TXNDC9: variants seen among roughly 807,000 people sequenced by gnomAD.
TXNDC9 encodes the protein thioredoxin domain-containing protein 9.
TXNDC9 carries 7 observed loss-of-function variants against 23.0 expected under a neutral mutation model. The observed-to-expected ratio is 0.30, with a 90% CI of 0.17 to 0.57. The LOEUF (loss-of-function observed/expected upper bound fraction) is 0.57. Among genes scored for constraint, TXNDC9 ranks in the 20% least tolerant of loss-of-function variants. The probability of loss-of-function intolerance (pLI) is 0.90; values close to 1 mark genes in which losing one functional copy is unlikely to be tolerated. For synonymous variants in TXNDC9, 72 were observed against 90.6 expected, an observed-to-expected ratio of 0.79 and a Z score of 1.17; for missense variants, 198 against 252.6, an observed-to-expected ratio of 0.78 and a Z score of 1.47.
At chr2:99,317,283 G>T (rs2094191457), downstream of TXNDC9, among the ~76,000 whole-genome samples, 1 of 152,102 alleles carries the variant, frequency 6.6e-6, no homozygotes, top group African/African-American at 2.4e-5. Context: ...ATGTCTTGTA[G>T]TTTGTTGTTG....
intron 4 of TXNDC9, among the ~76,000 whole-genome samples, chr2:99,320,754 T>C (rs1346779363): frequency 6.6e-6 from 1 of 152,228 alleles, no homozygotes; most frequent in Non-Finnish European, 1.5e-5. Flanking sequence ...AAAGGGACAC[T>C]GTATTCACAA....
chr2:99,314,029 A>T (rs1206181083), downstream of TXNDC9, among the ~76,000 whole-genome samples: 1 of 152,198 alleles, frequency 6.6e-6, no homozygotes, highest in Non-Finnish European at 1.5e-5. Flanking sequence ...GACTTCATAT[A>T]GGTAAGTTCA....
At chr2:99,332,815 G>A (rs554915530) in intron 2 of TXNDC9, 14 of 496,310 alleles carry the variant, frequency 2.8e-5, no homozygotes, top group Non-Finnish European at 3.9e-5. Context: ...TCTTTTACTC[G>A]ACTGTGGATT....
rs1297402631 is a variant in TXNDC9 at position 99,330,163 on chromosome 2, G to T, written c.190-2510C>A. 4.0e-4 allele frequency among the ~76,000 whole-genome samples: 61 copies of T among 150,798 alleles called. 1 individual carries two copies. The highest frequency in any genetic ancestry group is 3.6e-3 in the Admixed American group (54 of 15,126). On this transcript the variant is annotated intron_variant, in intron 2 of 4. Transcript: ENST00000264255. ...AAATTAGCCGGGCATGGTGGCAGGCGTCTGTAATCCCAGCTACTTGGGAGG... is the reference window on the plus strand; with the variant it reads ...AAATTAGCCGGGCATGGTGGCAGGCTTCTGTAATCCCAGCTACTTGGGAGG...
intron 3 of TXNDC9, chr2:99,322,842 A>G (rs2094205577): frequency 1.5e-6 from 1 of 662,054 alleles, no homozygotes; most frequent in Admixed American, 4.4e-5. Flanking sequence ...GCTCACTGCA[A>G]GCTCCGCCTC....
At chr2:99,323,870 G>A (rs1328113842) in intron 3 of TXNDC9, among the ~76,000 whole-genome samples, 1 of 151,964 alleles carries the variant, frequency 6.6e-6, no homozygotes, top group African/African-American at 2.4e-5. Flanking sequence ...TTTTGAGTTG[G>A]ACTCTCACTC....
intron 2 of TXNDC9, among the ~76,000 whole-genome samples, chr2:99,330,319 A>AAAAAAAAAAAAAT (rs56111573): frequency 6.9e-6 from 1 of 145,002 alleles, no homozygotes; most frequent in Admixed American, 7.1e-5. Flanking sequence ...AAAAAAAAAA[A>AAAAAAAAAAAAAT]GCTGCTATTT....
chr2:99,322,738 T>C, intron 3 of TXNDC9: 1 of 1,394,722 alleles, frequency 7.2e-7, no homozygotes, highest in South Asian at 1.7e-5. Flanking sequence ...TCTAGGAAAT[T>C]AAAAAATACC....
At chr2:99,310,437 G>A in the TXNDC9 span, among the ~76,000 whole-genome samples, 2 of 152,168 alleles carry the variant, frequency 1.3e-5, no homozygotes, top group African/African-American at 4.8e-5. Context: ...CAAAGTGCTG[G>A]GATTACAGGC....
chr2:99,327,963 T>G (rs1295938657), intron 2 of TXNDC9, among the ~76,000 whole-genome samples: 1 of 151,942 alleles, frequency 6.6e-6, no homozygotes, highest in Non-Finnish European at 1.5e-5. Flanking sequence ...TTTTGTATTT[T>G]TAGCAGAGAT....
At position 99,326,361 on chromosome 2, in the gene TXNDC9, G is replaced by A. The variant is rs1047755411; in HGVS notation, c.308+1174C>T. On this transcript the variant is annotated intron_variant, in intron 3 of 4. Coordinates refer to ENST00000264255, the MANE Select transcript of TXNDC9 (RefSeq NM_005783.4). ...AAAGGGGCAAGAAGGCCACAGAAAT[G>A]AGAAAGAGAGCAGGGCTGAAACCAC... Among the ~76,000 whole-genome samples, 7 of 152,218 alleles carry A rather than the reference G, an allele frequency of 4.6e-5. No individual in the cohort carries two copies. In the East Asian group the frequency reaches 7.7e-4, roughly 17 times the overall value.
intron 4 of TXNDC9, chr2:99,321,171 T>C (rs10167327): frequency 3.3e-5 from 5 of 152,052 alleles, no homozygotes; most frequent in African/African-American, 1.2e-4. Context: ...TCGGCATGTC[T>C]AGGAGAGTCA....
chr2:99,317,669 G>A (rs1003667847), downstream of TXNDC9, among the ~76,000 whole-genome samples: 9 of 151,628 alleles, frequency 5.9e-5, no homozygotes, highest in African/African-American at 2.2e-4. Flanking sequence ...ATAGAGACAG[G>A]GTCTCACTAT....
chr2:99,312,627 GA>G, the TXNDC9 span, among the ~76,000 whole-genome samples: 6 of 152,180 alleles, frequency 3.9e-5, no homozygotes, highest in East Asian at 5.8e-4. Flanking sequence ...AGGTAAATGG[GA>G]AAAAAACAAG....
downstream of TXNDC9, among the ~76,000 whole-genome samples, chr2:99,315,522 G>A (rs756687348): frequency 1.3e-5 from 2 of 151,482 alleles, no homozygotes; most frequent in Non-Finnish European, 2.9e-5. Flanking sequence ...TGCAGCAAGT[G>A]TTTTTATATT....
chr2:99,326,151 A>G (rs1008810313), intron 3 of TXNDC9, among the ~76,000 whole-genome samples: 3 of 152,234 alleles, frequency 2.0e-5, no homozygotes, highest in Middle Eastern at 3.2e-3. Context: ...GTTGTGTACC[A>G]TAAGGGCAGA....
chr2:99,308,049 A>G, the TXNDC9 span, among the ~76,000 whole-genome samples: 5 of 152,194 alleles, frequency 3.3e-5, no homozygotes, highest in Non-Finnish European at 5.9e-5. Flanking sequence ...GAGTCCATAG[A>G]CGGAACAGAG....
intron 1 of TXNDC9, among the ~76,000 whole-genome samples, 183 bp downstream of exon 1, chr2:99,336,056 G>A (rs2094239021): frequency 6.6e-6 from 1 of 152,258 alleles, no homozygotes; most frequent in African/African-American, 2.4e-5. Flanking sequence ...GGAAACAGAG[G>A]AAAGCACAGT....
intron 3 of TXNDC9, 134 bp downstream of exon 3, chr2:99,327,401 T>A: frequency 1.5e-6 from 1 of 673,860 alleles, no homozygotes; most frequent in Non-Finnish European, 2.6e-6. Flanking sequence ...AAATAACATA[T>A]GAGAGAGTAC....
Sources: gnomAD v4.1 joint callset for allele counts (sites outside exome capture counted in the v4.1 genomes callset) on GRCh38, gnomAD v4.1.1 for gene constraint, MANE v1.5 for transcripts, NCBI Gene and HGNC (gene_info 2026-07-23, HGNC 2026-07-21) for gene names.